The following CHST5 variants were observed in gnomAD, a reference collection of about 807,000 sequenced individuals.
CHST5 encodes the protein GST4-alpha.
For synonymous variants in CHST5, 313 were observed against 279.2 expected, an observed-to-expected ratio of 1.12 and a Z score of -1.21; for missense variants, 637 against 602.1, an observed-to-expected ratio of 1.06 and a Z score of -0.61.
At position 75,531,407 on chromosome 16, in the gene CHST5, G is replaced by C; in HGVS notation, c.-1023C>G. 1 of 1,137,106 alleles carries C rather than the reference G, an allele frequency of 8.8e-7. No homozygotes were observed. Among genetic ancestry groups the C allele is most frequent in the Non-Finnish European group, 1.1e-6 (1 of 904,936 alleles). The allele number at this position is 1,137,106 out of a possible 1,614,324, so 70.4% of individuals were successfully genotyped here. Reference sequence around the variant, plus strand: ...AAGTGGACAAAGAACAGCAACTGTTGTCATCACTGGTGGGGAGTGAAGTGC... The same window carrying C: ...AAGTGGACAAAGAACAGCAACTGTTCTCATCACTGGTGGGGAGTGAAGTGC... On this transcript the variant is annotated 5_prime_UTR_variant, in exon 4 of 4. Coordinates refer to ENST00000336257, the MANE Select transcript of CHST5 (RefSeq NM_024533.5).
Position 75,533,165 on chromosome 16 carries a change from G to C in CHST5, c.-1333C>G. 1 of 702,428 alleles carries C rather than the reference G, an allele frequency of 1.4e-6. No homozygotes were observed. Among genetic ancestry groups the C allele is most frequent in the South Asian group, 1.5e-5 (1 of 67,602 alleles). The allele number at this position is 702,428 out of a possible 1,614,324, so 43.5% of individuals were successfully genotyped here. A position where few individuals can be genotyped will look rare whatever the true frequency, so the allele number is the denominator to read the frequency against. Reference sequence around the variant, plus strand: ...GCCACACAGAGTCTCCAGAAGACCAGTTCCTCACTGGGAGCTTTCTGATAA... The same window carrying C: ...GCCACACAGAGTCTCCAGAAGACCACTTCCTCACTGGGAGCTTTCTGATAA... On this transcript the variant is annotated 5_prime_UTR_variant, in exon 3 of 4. Transcript: ENST00000336257.
chr16:75,532,824 T>C (rs1159963921), intron 3 of CHST5, among the ~76,000 whole-genome samples: 1 of 152,204 alleles, frequency 6.6e-6, no homozygotes, highest in Non-Finnish European at 1.5e-5. Flanking sequence ...ATAACTTAAC[T>C]CTGGGCCCTG....
At chr16:75,532,369 C>T (rs1383790099) in intron 3 of CHST5, among the ~76,000 whole-genome samples, 1 of 152,188 alleles carries the variant, frequency 6.6e-6, no homozygotes, top group African/African-American at 2.4e-5. Flanking sequence ...TCTGTTTGCA[C>T]CTGTTGCATC....
chr16:75,531,194 C>T lies in CHST5; in HGVS notation c.-810G>A, dbSNP rs567922445. 2.1e-5 allele frequency: 11 copies of T among 518,942 alleles called. No homozygotes were observed. The highest frequency in any genetic ancestry group is 3.0e-4 in the East Asian group (2 of 6,756). The allele number at this position is 518,942 out of a possible 1,614,324, so 32.1% of individuals were successfully genotyped here. Reference sequence around the variant, plus strand: ...AAAATTAGCCAGGCGTGATGGTGGGCGCCTGTAGTCCCAGCTACTCGGGAG... The same window carrying T: ...AAAATTAGCCAGGCGTGATGGTGGGTGCCTGTAGTCCCAGCTACTCGGGAG... On this transcript the variant is annotated 5_prime_UTR_variant, in exon 4 of 4. Coordinates refer to ENST00000336257, the MANE Select transcript of CHST5 (RefSeq NM_024533.5).
rs1051502039 is a variant in CHST5 at position 75,530,460 on chromosome 16, A to G, written c.-76T>C. 3 of 1,457,050 alleles carry G rather than the reference A, an allele frequency of 2.1e-6. No homozygotes were observed. The highest frequency in any genetic ancestry group is 5.0e-5 in the East Asian group (2 of 40,186). 90.3% of individuals were successfully genotyped at this position (1,457,050 alleles called of 1,614,324 possible). A position where few individuals can be genotyped will look rare whatever the true frequency, so the allele number is the denominator to read the frequency against. ...GGCTACCCTACCCATTGGACTTCCC[A>G]AGACTCCCAAGGTCTCAGTCGAGCA... On this transcript the variant is annotated 5_prime_UTR_variant, in exon 4 of 4. Coordinates refer to ENST00000336257, the MANE Select transcript of CHST5 (RefSeq NM_024533.5).
rs394150 is a variant in CHST5 at position 75,529,734 on chromosome 16, C to T, written c.651G>A (p.Leu217=). The T allele has an allele frequency of 2.4e-5, 38 of 1,613,008 alleles. No homozygotes were observed. The East Asian group carries it at 3.1e-4, about 13-fold the overall frequency. The change falls in exon 4 of 4, where the codon CTG becomes CTA. Residue 217 remains leucine, a synonymous_variant. Transcript: ENST00000336257. The part of the protein sequence containing the change: ...YPLLSDPALN[L]RIVHLVRDPR... ...GGTCGCGCACCAGGTGCACGATGCGCAGGTTGAGCGCGGGGTCGCTGAGCA... is the reference window on the plus strand; with the variant it reads ...GGTCGCGCACCAGGTGCACGATGCGTAGGTTGAGCGCGGGGTCGCTGAGCA...
chr16:75,533,490 G>A (rs2080539909), intron 2 of CHST5, among the ~76,000 whole-genome samples: 2 of 152,224 alleles, frequency 1.3e-5, no homozygotes, highest in South Asian at 2.1e-4. Flanking sequence ...CTTCCATCCT[G>A]GAAGGACTGT....
rs1597027757 is a variant in CHST5 at position 75,531,080 on chromosome 16, T to C, written c.-696A>G. 2.0e-6 allele frequency: 2 copies of C among 996,108 alleles called. No individual in the cohort carries two copies. The highest frequency in any genetic ancestry group is 4.7e-5 in the South Asian group (1 of 21,296). The allele number at this position is 996,108 out of a possible 1,614,324, so 61.7% of individuals were successfully genotyped here. A position where few individuals can be genotyped will look rare whatever the true frequency, so the allele number is the denominator to read the frequency against. On this transcript the variant is annotated 5_prime_UTR_variant, in exon 4 of 4. Coordinates refer to ENST00000336257, the MANE Select transcript of CHST5 (RefSeq NM_024533.5). ...GCTCACGCCTGTAATCCCAGCATTA[T>C]GGGAGGCCGAGGCGGGCGGATCACG...
chr16:75,529,623 C>T lies in CHST5; in HGVS notation c.762G>A (p.Trp254Ter). 6.2e-7 allele frequency: 1 copy of T among 1,611,184 alleles called. No individual in the cohort carries two copies. The highest frequency in any genetic ancestry group is 8.5e-7 in the Non-Finnish European group (1 of 1,179,012). Reference sequence around the variant, plus strand: ...GGCGCAGGTGAGGGTCGGCCTCCACCCACTTGCCGTTGGTGCCCAGCACGA... The same window carrying T: ...GGCGCAGGTGAGGGTCGGCCTCCACTCACTTGCCGTTGGTGCCCAGCACGA... The part of the protein sequence containing the change: ...NGIVLGTNGK[W>*]VEADPHLRLI... Residue 254 changes from tryptophan to a stop codon, truncating the protein, a stop_gained, in exon 4 of 4, where the codon TGG (tryptophan) becomes TGA (stop). Coordinates refer to ENST00000336257, the MANE Select transcript of CHST5 (RefSeq NM_024533.5). LOFTEE classifies it low-confidence loss of function (END_TRUNC).
rs2080511752 is a variant in CHST5, at chr16:75,530,704, T to C, written c.-320A>G. The stretch of plus-strand genomic sequence containing the variant: ...CAGGATACCTCTTAGAGAGACCCTT[T>C]TAGGTTGTGGAGCTAAAAGGGCTTG... On this transcript the variant is annotated 5_prime_UTR_variant, in exon 4 of 4. Transcript: ENST00000336257. 1 of 1,130,084 alleles carries C rather than the reference T, an allele frequency of 8.8e-7. No individual in the cohort carries two copies. Among genetic ancestry groups the C allele is most frequent in the East Asian group, 5.3e-5 (1 of 18,868 alleles). 70.0% of individuals were successfully genotyped at this position (1,130,084 alleles called of 1,614,324 possible).
At position 75,530,211 on chromosome 16, in the gene CHST5, G is replaced by GCCGGCTGGGGATGAGGGC; in HGVS notation, c.156_173dup (p.Pro53_Gly58dup). ...CCAGCACGTGCACACGATCCTCGCC[G>GCCGGCTGGGGATGAGGGC]CCGGCTGGGGATGAGGGCCCTGGCC... On this transcript the variant is annotated inframe_insertion, in exon 4 of 4. Coordinates refer to ENST00000336257, the MANE Select transcript of CHST5 (RefSeq NM_024533.5). 6.2e-7 allele frequency: 1 copy of GCCGGCTGGGGATGAGGGC among 1,613,614 alleles called. No individual in the cohort carries two copies. Among genetic ancestry groups the GCCGGCTGGGGATGAGGGC allele is most frequent in the East Asian group, 2.2e-5 (1 of 44,874 alleles).
At position 75,529,823 on chromosome 16, in the gene CHST5, G is replaced by C. The variant is rs1597026207; in HGVS notation, c.562C>G (p.Arg188Gly). ...QPFSLAREAC[R>G]SYSHVVLKEV... ...TTGAGCACCACGTGGCTGTAGGAGC[G>C]GCAGGCCTCCCGGGCCAGGCTGAAT... The change falls in exon 4 of 4, where the codon CGC becomes GGC. Residue 188 changes from arginine to glycine, a missense_variant. Arg to Gly is a moderately radical substitution (Grantham distance 125, BLOSUM62 -2). Coordinates refer to ENST00000336257, the MANE Select transcript of CHST5 (RefSeq NM_024533.5). 2 of 1,613,624 alleles carry C rather than the reference G, an allele frequency of 1.2e-6. No individual in the cohort carries two copies. Among genetic ancestry groups the C allele is most frequent in the African/African-American group, 2.7e-5 (2 of 74,934 alleles).
At position 75,535,400 on chromosome 16, in the gene CHST5, C is replaced by T. The variant is rs564339576; in HGVS notation, c.-1625G>A. Among the ~76,000 whole-genome samples, 16 of 152,252 alleles carry T rather than the reference C, an allele frequency of 1.1e-4. No homozygotes were observed. Among genetic ancestry groups the T allele is most frequent in the African/African-American group, 3.4e-4 (14 of 41,540 alleles). ...ACTGGAAGCTCCTGGAGACTCGAGG[C>T]AGAGCGAATCTGGGAACAGGGCAGG... On this transcript the variant is annotated 5_prime_UTR_variant, in exon 2 of 4. Transcript: ENST00000336257.
chr16:75,532,121 G>A (rs991966580), intron 3 of CHST5, among the ~76,000 whole-genome samples: 1 of 152,148 alleles, frequency 6.6e-6, no homozygotes, highest in South Asian at 2.1e-4. Context: ...CCCTGTTACT[G>A]TTACTGTCCC....
In CHST5 at chr16:75,529,898, C is replaced by T. The variant is rs760959412; in HGVS notation, c.487G>A (p.Gly163Ser). 9 of 1,613,382 alleles carry T rather than the reference C, an allele frequency of 5.6e-6. No individual in the cohort carries two copies. The highest frequency in any genetic ancestry group is 8.5e-7 in the Non-Finnish European group (1 of 1,179,960). Reference sequence around the variant, plus strand: ...CATACGTCCTGCTTGCTGATGGTGCCTCGGGGAAAGGCGCTGCAGGCGGGC... The same window carrying T: ...CATACGTCCTGCTTGCTGATGGTGCTTCGGGGAAAGGCGCTGCAGGCGGGC... Reference protein sequence around the residue: ...SPPACSAFPRGTISKQDVCKT... With the variant: ...SPPACSAFPRSTISKQDVCKT... Residue 163 changes from glycine (G) to serine (S), a missense_variant, in exon 4 of 4, where the codon GGC (glycine) becomes AGC (serine). Coordinates refer to ENST00000336257, the MANE Select transcript of CHST5 (RefSeq NM_024533.5).
rs779926212 is a variant in CHST5, at chr16:75,529,954, T to C, written c.431A>G (p.Asn144Ser). Residue 144 changes from asparagine to serine, a missense_variant, in exon 4 of 4, where the codon AAC (asparagine) becomes AGC (serine). Coordinates refer to ENST00000336257, the MANE Select transcript of CHST5 (RefSeq NM_024533.5). ...GCACAGCGCGCGGCTCGTTGCCCAG[T>C]TGAAAAAGGCGGACAGGTTTCGGCT... Reference protein sequence around the residue: ...PQSRNLSAFFNWATSRALCSP... With the variant: ...PQSRNLSAFFSWATSRALCSP... 23 of 1,613,182 alleles carry C rather than the reference T, an allele frequency of 1.4e-5. No homozygotes were observed. The highest frequency in any genetic ancestry group is 1.6e-5 in the Non-Finnish European group (19 of 1,179,962).
intron 1 of CHST5, among the ~76,000 whole-genome samples, chr16:75,535,841 C>A (rs3784934): frequency 0.065 from 9,921 of 152,276 alleles, 394 homozygotes; most frequent in Non-Finnish European, 0.087. Context: ...TCTAACTGAC[C>A]ACAAATGAAC....
rs537690857 is a variant in CHST5, at chr16:75,528,934, A to G, written c.*215T>C. On this transcript the variant is annotated 3_prime_UTR_variant, in exon 4 of 4. Coordinates refer to ENST00000336257, the MANE Select transcript of CHST5 (RefSeq NM_024533.5). ...AAGAGTTGCTTTCCATGAAGAGTGC[A>G]CCTGATGAGAAGGCAGCTCCAGAAG... 13 of 536,314 alleles carry G rather than the reference A, an allele frequency of 2.4e-5. No individual in the cohort carries two copies. The highest frequency in any genetic ancestry group is 7.3e-5 in the Admixed American group (2 of 27,430). 33.2% of individuals were successfully genotyped at this position (536,314 alleles called of 1,614,324 possible).
chr16:75,529,510 A>G lies in CHST5; in HGVS notation c.875T>C (p.Leu292Pro), dbSNP rs376887507. 57 of 1,610,896 alleles carry G rather than the reference A, an allele frequency of 3.5e-5. No homozygotes were observed. The highest frequency in any genetic ancestry group is 2.5e-4 in the East Asian group (11 of 44,872). Residue 292 changes from leucine (L) to proline (P), a missense_variant, in exon 4 of 4, where the codon CTG becomes CCG. Physicochemically the swap from Leu to Pro is moderately conservative, Grantham distance 98. Transcript: ENST00000336257. The part of the protein sequence containing the change: ...PPPFLRGRYR[L>P]VRFEDLAREP... Reference sequence around the variant, plus strand: ...CCGCGCCAGGTCCTCGAAGCGCACCAGGCGGTAGCGGCCGCGCAGGAAGGG... The same window carrying G: ...CCGCGCCAGGTCCTCGAAGCGCACCGGGCGGTAGCGGCCGCGCAGGAAGGG...
Sources: gnomAD v4.1 joint callset for allele counts (sites outside exome capture counted in the v4.1 genomes callset) on GRCh38, gnomAD v4.1.1 for gene constraint, MANE v1.5 for transcripts, NCBI Gene and HGNC (gene_info 2026-07-23, HGNC 2026-07-21) for gene names.